Variants in CDH18 observed in about 807,000 individuals in gnomAD.
The protein encoded by CDH18 is cadherin 18.
A neutral mutation model predicts 67.9 loss-of-function variants in CDH18; 31 were observed. That is an observed-to-expected ratio of 0.46 (90% confidence interval 0.34 to 0.62). The LOEUF (loss-of-function observed/expected upper bound fraction) is 0.62. Among genes scored for constraint, CDH18 ranks in the 20% least tolerant of loss-of-function variants. The probability of loss-of-function intolerance (pLI) is 0.01; values close to 1 mark genes in which losing one functional copy is unlikely to be tolerated. For synonymous variants in CDH18, 362 were observed against 347.2 expected (o/e 1.04, Z -0.48); for missense variants, 890 against 975.5 (o/e 0.91, Z 1.17).
At chr5:20,110,938 C>T (rs530375144) in intron 2 of CDH18, among the ~76,000 whole-genome samples, 22 of 152,188 alleles carry the variant, frequency 1.4e-4, no homozygotes, top group Non-Finnish European at 2.5e-4. Context: ...GATTTGTCTT[C>T]TTGGCTTTTT....
At chr5:20,135,482 T>C (rs1005693592) in intron 2 of CDH18, among the ~76,000 whole-genome samples, 2 of 152,178 alleles carry the variant, frequency 1.3e-5, no homozygotes, top group African/African-American at 4.8e-5. Context: ...CTTCTCCTTT[T>C]TCTTCTTTAT....
intron 1 of CDH18, among the ~76,000 whole-genome samples, chr5:20,546,556 G>A (rs1262603319): frequency 6.6e-6 from 1 of 152,124 alleles, no homozygotes; most frequent in African/African-American, 2.4e-5. Context: ...GAGAGTGAGA[G>A]AAGGAAAGTG....
intron 1 of CDH18, among the ~76,000 whole-genome samples, chr5:20,415,184 G>A (rs1368637812): frequency 6.6e-6 from 1 of 151,908 alleles, no homozygotes; most frequent in African/African-American, 2.4e-5. Flanking sequence ...TCAGGAGTTT[G>A]AGGCCAGCCT....
intron 2 of CDH18, among the ~76,000 whole-genome samples, chr5:20,211,146 T>A (rs1222183670): frequency 3.9e-5 from 6 of 152,108 alleles, no homozygotes; most frequent in African/African-American, 1.2e-4. Flanking sequence ...ATATACTATA[T>A]CCTATTAAGT....
chr5:20,409,626 C>T (rs150257549), intron 1 of CDH18, among the ~76,000 whole-genome samples: 1,726 of 150,942 alleles, frequency 0.011, 32 homozygotes, highest in African/African-American at 0.04. Flanking sequence ...GAACAAAGCC[C>T]AAAGTTAGCA....
chr5:19,786,818 C>T (rs965589940), intron 3 of CDH18, among the ~76,000 whole-genome samples: 7 of 152,168 alleles, frequency 4.6e-5, no homozygotes, highest in African/African-American at 1.4e-4. Flanking sequence ...TACACAAAGT[C>T]CAGTGTCTGT....
chr5:19,938,864 T>C (rs1794542458), intron 2 of CDH18, among the ~76,000 whole-genome samples: 1 of 151,410 alleles, frequency 6.6e-6, no homozygotes, highest in South Asian at 2.1e-4. Flanking sequence ...CATTTCTTTG[T>C]TTAATTCTAA....
At chr5:20,497,122 A>G (rs377502402) in intron 1 of CDH18, among the ~76,000 whole-genome samples, 2 of 152,054 alleles carry the variant, frequency 1.3e-5, no homozygotes, top group South Asian at 2.1e-4. Flanking sequence ...TGTTTGAATT[A>G]ATGTCATAAA....
chr5:19,624,161 C>T (rs1751155907), intron 5 of CDH18, among the ~76,000 whole-genome samples: 2 of 151,974 alleles, frequency 1.3e-5, no homozygotes, highest in Non-Finnish European at 2.9e-5. Context: ...GCGTGCACCA[C>T]CATGCCCAGC....
At chr5:20,269,270 A>T (rs1375278971) in intron 1 of CDH18, among the ~76,000 whole-genome samples, 2 of 152,162 alleles carry the variant, frequency 1.3e-5, no homozygotes, top group Non-Finnish European at 2.9e-5. Context: ...ACTCTTATAC[A>T]CTGTTGATGG....
intron 1 of CDH18, among the ~76,000 whole-genome samples, chr5:20,511,278 A>G (rs1487937723): frequency 2.6e-5 from 4 of 152,228 alleles, no homozygotes; most frequent in Non-Finnish European, 5.9e-5. Context: ...TATAGAAAGT[A>G]CTAAGTATAG....
intron 1 of CDH18, among the ~76,000 whole-genome samples, chr5:20,336,753 A>AAAAAAAAAAAAAAC (rs1739805813): frequency 1.5e-5 from 2 of 134,198 alleles, no homozygotes; most frequent in Non-Finnish European, 3.2e-5. Flanking sequence ...AAAAAAAAAA[A>AAAAAAAAAAAAAAC]AAGAACTTTT....
chr5:20,345,409 G>A (rs1740621061), intron 1 of CDH18, among the ~76,000 whole-genome samples: 1 of 152,126 alleles, frequency 6.6e-6, no homozygotes, highest in South Asian at 2.1e-4. Context: ...AGGATTTAAT[G>A]TCTTTCACAA....
At chr5:20,127,490 A>G (rs1041302813) in intron 2 of CDH18, among the ~76,000 whole-genome samples, 1 of 152,130 alleles carries the variant, frequency 6.6e-6, no homozygotes, top group African/African-American at 2.4e-5. Context: ...ATATACAACA[A>G]TGAAATCTCA....
At chr5:20,341,736 A>G (rs1740281988) in intron 1 of CDH18, among the ~76,000 whole-genome samples, 1 of 152,024 alleles carries the variant, frequency 6.6e-6, no homozygotes, top group Non-Finnish European at 1.5e-5. Flanking sequence ...TAATGTGAGT[A>G]GACCCAAAAA....
At chr5:19,788,526 T>C (rs976008226) in intron 3 of CDH18, among the ~76,000 whole-genome samples, 3 of 152,204 alleles carry the variant, frequency 2.0e-5, no homozygotes, top group African/African-American at 7.2e-5. Flanking sequence ...TAATTTGCCA[T>C]AATGTATATC....
intron 2 of CDH18, among the ~76,000 whole-genome samples, chr5:19,960,259 T>C (rs1196619248): frequency 1.3e-5 from 2 of 152,252 alleles, no homozygotes; most frequent in East Asian, 1.9e-4. Context: ...TCACATTTTA[T>C]AGCTGTATAA....
intron 8 of CDH18, among the ~76,000 whole-genome samples, chr5:19,571,273 T>C (rs1175144298): frequency 3.3e-5 from 5 of 152,192 alleles, no homozygotes; most frequent in Non-Finnish European, 7.3e-5. Context: ...CAATAGATTC[T>C]CTAGTTTGTG....
intron 2 of CDH18, among the ~76,000 whole-genome samples, chr5:20,175,818 C>A (rs1243107162): frequency 6.6e-6 from 1 of 151,994 alleles, no homozygotes; most frequent in African/African-American, 2.4e-5. Flanking sequence ...GGTGCCCACC[C>A]AGAATAAGGG....
Sources: allele counts gnomAD v4.1 joint callset (sites outside exome capture counted in the v4.1 genomes callset), GRCh38; gene constraint gnomAD v4.1.1; transcripts MANE v1.5; gene names NCBI Gene and HGNC (gene_info 2026-07-23, HGNC 2026-07-21).